The following CCDC86 variants were observed in gnomAD, a reference collection of about 807,000 sequenced individuals.
The protein encoded by CCDC86 is coiled-coil domain-containing protein 86.
CCDC86 carries 28 observed loss-of-function variants against 36.7 expected under a neutral mutation model. That is an observed-to-expected ratio of 0.76 (90% CI 0.57 to 1.05). The LOEUF is 1.05. CCDC86 is among the 50% of genes least tolerant of loss of function. The pLI is 0.00. For missense variants in CCDC86, 453 were observed against 470.2 expected, an observed-to-expected ratio of 0.96 and a Z score of 0.34; for synonymous variants, 199 against 203.4, an observed-to-expected ratio of 0.98 and a Z score of 0.18.
In CCDC86 at chr11:60,842,275, G is replaced by A; in HGVS notation, c.151G>A (p.Val51Met). Residue 51 changes from valine (V) to methionine (M), a missense_variant, in exon 1 of 4, where the codon GTG becomes ATG. Coordinates refer to ENST00000227520, the MANE Select transcript of CCDC86 (RefSeq NM_024098.4). ...GAGGGAGCCCGGGTCTCCTCCGAGTGTGCAGCGGGCTGGCCTGGGGTCCCC... is the reference window on the plus strand; with the variant it reads ...GAGGGAGCCCGGGTCTCCTCCGAGTATGCAGCGGGCTGGCCTGGGGTCCCC... ...ETREPGSPPS[V>M]QRAGLGSPER... The A allele has an allele frequency of 6.2e-7, 1 of 1,613,516 alleles. No homozygotes were observed. The highest frequency in any genetic ancestry group is 1.3e-5 in the African/African-American group (1 of 75,030).
chr11:60,843,946 C>T (rs1855154704), intron 1 of CCDC86, among the ~76,000 whole-genome samples: 2 of 152,188 alleles, frequency 1.3e-5, no homozygotes, highest in Middle Eastern at 3.2e-3. Context: ...CTGCAAGTCT[C>T]CCATGGGAGA....
chr11:60,843,711 G>A (rs1233287954), intron 1 of CCDC86, among the ~76,000 whole-genome samples: 2 of 152,192 alleles, frequency 1.3e-5, no homozygotes, highest in Non-Finnish European at 2.9e-5. Context: ...TGAAGGAGAG[G>A]TGTGGGATTC....
In CCDC86 at chr11:60,849,319, G is replaced by A. The variant is rs538326939; in HGVS notation, c.889-621G>A. 4.6e-5 allele frequency among the ~76,000 whole-genome samples: 7 copies of A among 152,352 alleles called. No individual in the cohort carries two copies. The South Asian group carries it at 1.2e-3, about 27-fold the overall frequency. ...TGATTTCCCAAAACTATCTTACGAG[G>A]TAGATACTGTGGTCACTGTCACTTT... On this transcript the variant is annotated intron_variant, in intron 2 of 3. Transcript: ENST00000227520.
chr11:60,849,936 C>T lies in CCDC86; in HGVS notation c.889-4C>T, dbSNP rs1033076980. On this transcript the variant is annotated splice_region_variant and splice_polypyrimidine_tract_variant and intron_variant, in intron 2 of 3. Coordinates refer to ENST00000227520, the MANE Select transcript of CCDC86 (RefSeq NM_024098.4). ...CTCAAATCCCCTTCTCCCACATGTT[C>T]CAGGAGAAGAAACAGCGCCGGGCTG... 3 of 1,613,120 alleles carry T rather than the reference C, an allele frequency of 1.9e-6. No homozygotes were observed. Among genetic ancestry groups the T allele is most frequent in the Non-Finnish European group, 2.5e-6 (3 of 1,179,434 alleles).
chr11:60,845,905 G>A (rs1390030800), intron 1 of CCDC86, among the ~76,000 whole-genome samples: 1 of 152,168 alleles, frequency 6.6e-6, no homozygotes, highest in Non-Finnish European at 1.5e-5. Context: ...CAATGGTCTG[G>A]AACTGCCCTG....
Position 60,842,441 on chromosome 11 carries a change from A to C in CCDC86, c.317A>C (p.Gln106Pro). Residue 106 changes from glutamine to proline, a missense_variant, in exon 1 of 4, where the codon CAG (glutamine) becomes CCG (proline). Coordinates refer to ENST00000227520, the MANE Select transcript of CCDC86 (RefSeq NM_024098.4). ...CTACACCTGGAGTCGCCTCAAAGAC[A>C]GCCAGAGTACAGTCCTGAATCCCCA... ...QDLHLESPQRQPEYSPESPRC... is the reference protein window; with the variant it reads ...QDLHLESPQRPPEYSPESPRC... 1 of 1,614,060 alleles carries C rather than the reference A, an allele frequency of 6.2e-7. No individual in the cohort carries two copies. The highest frequency in any genetic ancestry group is 8.5e-7 in the Non-Finnish European group (1 of 1,180,016).
In CCDC86 at chr11:60,842,259, C is replaced by T. The variant is rs765899231; in HGVS notation, c.135C>T (p.Pro45=). 1.2e-5 allele frequency: 19 copies of T among 1,613,272 alleles called. No individual in the cohort carries two copies. Among genetic ancestry groups the T allele is most frequent in the Non-Finnish European group, 1.4e-5 (17 of 1,179,926 alleles). ...CGAACCCAGAAGAAACGAGGGAGCC[C>T]GGGTCTCCTCCGAGTGTGCAGCGGG... is the stretch of plus-strand genomic sequence containing the variant. The part of the protein sequence containing the change: ...FESNPEETRE[P]GSPPSVQRAG... Residue 45 remains proline (P), a synonymous_variant, in exon 1 of 4, where the codon CCC becomes CCT. Coordinates refer to ENST00000227520, the MANE Select transcript of CCDC86 (RefSeq NM_024098.4).
intron 1 of CCDC86, among the ~76,000 whole-genome samples, chr11:60,844,138 G>A (rs1855156231): frequency 6.6e-6 from 1 of 152,154 alleles, no homozygotes; most frequent in Non-Finnish European, 1.5e-5. Context: ...TTGGGGTCCT[G>A]GTACTCACGC....
At chr11:60,842,952 G>A in intron 1 of CCDC86, 70 bp downstream of exon 1, 1 of 1,499,552 alleles carries the variant, frequency 6.7e-7, no homozygotes, top group South Asian at 1.4e-5. Flanking sequence ...TTGCCCTGCT[G>A]CAGCCTGGAG....
chr11:60,847,875 G>C (rs763694433), intron 1 of CCDC86, 49 bp from the exon 2 acceptor site: 36 of 1,561,264 alleles, frequency 2.3e-5, no homozygotes, highest in Non-Finnish European at 3.1e-5. Context: ...CAGGGCATGG[G>C]TGGCGCTTGC....
At chr11:60,849,745 C>T (rs1442826266) in intron 2 of CCDC86, among the ~76,000 whole-genome samples, 195 bp from the exon 3 acceptor site, 1 of 152,212 alleles carries the variant, frequency 6.6e-6, no homozygotes, top group East Asian at 1.9e-4. Flanking sequence ...GAGCTTCCAC[C>T]ACAGCAGGCC....
At chr11:60,846,177 C>T (rs577825935) in intron 1 of CCDC86, among the ~76,000 whole-genome samples, 25 of 152,242 alleles carry the variant, frequency 1.6e-4, no homozygotes, top group Admixed American at 7.8e-4. Context: ...CTCCCAACAC[C>T]TTGTCCCTTC....
At chr11:60,848,732 A>G (rs1234976274) in intron 2 of CCDC86, among the ~76,000 whole-genome samples, 1 of 152,102 alleles carries the variant, frequency 6.6e-6, no homozygotes, top group African/African-American at 2.4e-5. Flanking sequence ...CTAATGACCC[A>G]GGCGTGTAGG....
rs117434319 is a variant in CCDC86, at chr11:60,845,712, G to A, written c.759-2212G>A. On this transcript the variant is annotated intron_variant, in intron 1 of 3. Coordinates refer to ENST00000227520, the MANE Select transcript of CCDC86 (RefSeq NM_024098.4). The stretch of plus-strand genomic sequence containing the variant: ...GCATGCTGTCTGCCTTCTCTGAGGA[G>A]TAGCATTTATGGAGCACCTATTACG... Among the ~76,000 whole-genome samples the A allele has an allele frequency of 1.0e-2, 1,517 of 152,362 alleles. 13 individuals are homozygous for A. The highest frequency in any genetic ancestry group is 0.044 in the Middle Eastern group (13 of 294).
In CCDC86 at chr11:60,850,564, C is replaced by T; in HGVS notation, c.*239C>T. ...TGGGGGCGGGAAGAGATTCAGCTCC[C>T]ATCCCTCCTTCCTCTCCTTCTCCAA... On this transcript the variant is annotated 3_prime_UTR_variant, in exon 4 of 4. Transcript: ENST00000227520. The T allele has an allele frequency of 1.9e-6, 1 of 532,488 alleles. No homozygotes were observed. The highest frequency in any genetic ancestry group is 2.8e-5 in the South Asian group (1 of 35,936). The allele number at this position is 532,488 out of a possible 1,614,324, so 33.0% of individuals were successfully genotyped here. A position where few individuals can be genotyped will look rare whatever the true frequency, so the allele number is the denominator to read the frequency against.
At position 60,850,927 on chromosome 11, in the gene CCDC86, T is replaced by C. The variant is rs760728112; in HGVS notation, c.*602T>C. 1.3e-5 allele frequency: 2 copies of C among 152,498 alleles called. No individual in the cohort carries two copies. Among genetic ancestry groups the C allele is most frequent in the Non-Finnish European group, 2.9e-5 (2 of 68,246 alleles). The allele number at this position is 152,498 out of a possible 1,614,324, so 9.4% of individuals were successfully genotyped here. On this transcript the variant is annotated 3_prime_UTR_variant, in exon 4 of 4. Transcript: ENST00000227520. ...CAGAAGCCCCAGAGAATCTAACTCATGCCTGTCCAGTCTACAGCAAAAATA... is the reference window on the plus strand; with the variant it reads ...CAGAAGCCCCAGAGAATCTAACTCACGCCTGTCCAGTCTACAGCAAAAATA...
chr11:60,846,600 G>A (rs1242066983), intron 1 of CCDC86, among the ~76,000 whole-genome samples: 1 of 151,778 alleles, frequency 6.6e-6, no homozygotes, highest in African/African-American at 2.4e-5. Context: ...TTGAGACGGA[G>A]TTTCATTCTT....
intron 3 of CCDC86, 42 bp downstream of exon 3, chr11:60,850,056 G>A (rs777497018): frequency 1.2e-6 from 2 of 1,609,976 alleles, no homozygotes; most frequent in Admixed American, 3.3e-5. Flanking sequence ...TGCCCCACTT[G>A]GGGGTGCAAA....
chr11:60,847,865 C>T, intron 1 of CCDC86, 59 bp from the exon 2 acceptor site: 2 of 1,523,236 alleles, frequency 1.3e-6, no homozygotes, highest in Non-Finnish European at 1.8e-6. Context: ...CGAGAGGAGA[C>T]AGGGCATGGG....
Sources: gnomAD v4.1 joint callset for allele counts (sites outside exome capture counted in the v4.1 genomes callset) on GRCh38, gnomAD v4.1.1 for gene constraint, MANE v1.5 for transcripts, NCBI Gene and HGNC (gene_info 2026-07-23, HGNC 2026-07-21) for gene names.